Variants in UGT1A7 observed in about 807,000 individuals in gnomAD.
UGT1A7 encodes UDP-glucuronosyltransferase 1A7.
Under a neutral mutation model 45.6 loss-of-function variants are expected in UGT1A7, and 33 were observed. The ratio of observed to expected loss-of-function variants is 0.72; its 90% CI spans 0.55 to 0.97. UGT1A7 has a LOEUF of 0.97. Among genes scored for constraint, UGT1A7 ranks in the 50% least tolerant of loss-of-function variants. The pLI, the probability that UGT1A7 is intolerant of heterozygous loss-of-function variation, is 0.00. For missense variants in UGT1A7, 684 were observed against 666.2 expected, an observed-to-expected ratio of 1.03 and a Z score of -0.29; for synonymous variants, 274 against 250.6, an observed-to-expected ratio of 1.09 and a Z score of -0.88.
rs1310815990 is a variant in UGT1A7, at chr2:233,693,240, C to T, written c.855+10448C>T. ...AAATACTACACAAGAAAAATCTATC[C>T]AGTGCCGTATGACCAAGAAGAGCTG... On this transcript the variant is annotated intron_variant, in intron 1 of 4. Transcript: ENST00000373426. 6.8e-6 allele frequency: 11 copies of T among 1,614,022 alleles called. No homozygotes were observed. The African/African-American group carries it at 1.3e-4, about 20-fold the overall frequency.
At chr2:233,743,198 T>C in intron 1 of UGT1A7, 1 of 382,298 alleles carries the variant, frequency 2.6e-6, no homozygotes, top group Non-Finnish European at 5.2e-6. Context: ...TTACTTGGTG[T>C]CAATGCGGAG....
intron 1 of UGT1A7, among the ~76,000 whole-genome samples, chr2:233,686,207 AG>A (rs2074777882): frequency 6.6e-6 from 1 of 152,184 alleles, no homozygotes; most frequent in African/African-American, 2.4e-5. Context: ...AGAAAAAATT[AG>A]AAAAATATTT....
intron 1 of UGT1A7, chr2:233,691,490 G>A (rs2075045051): frequency 5.1e-6 from 5 of 985,774 alleles, no homozygotes; most frequent in Non-Finnish European, 4.8e-6. Flanking sequence ...TTGTGGGTGG[G>A]AACAGGAACT....
chr2:233,751,212 G>A (rs1434811842), intron 1 of UGT1A7, among the ~76,000 whole-genome samples: 1 of 151,972 alleles, frequency 6.6e-6, no homozygotes, highest in Non-Finnish European at 1.5e-5. Context: ...GGAGCTTTAA[G>A]ATTTAATGAC....
chr2:233,768,737 C>A (rs947383404), intron 4 of UGT1A7, among the ~76,000 whole-genome samples: 9 of 151,868 alleles, frequency 5.9e-5, no homozygotes, highest in Admixed American at 5.2e-4. Flanking sequence ...TGTCCACCAC[C>A]ACGCCCGGTT....
At chr2:233,764,870 C>A (rs17868342) in intron 1 of UGT1A7, among the ~76,000 whole-genome samples, 19,813 of 151,898 alleles carry the variant, frequency 0.13, 1,414 homozygotes, top group East Asian at 0.2. Context: ...TAGATGAGCC[C>A]AAGGGAAAAG....
chr2:233,767,826 T>C (rs1204368520), intron 2 of UGT1A7, 23 bp from the exon 3 acceptor site: 5 of 1,614,208 alleles, frequency 3.1e-6, no homozygotes, highest in South Asian at 2.2e-5. Flanking sequence ...TTCTTTACGT[T>C]CTGCTCTTTT....
chr2:233,765,712 T>A (rs1046504378), intron 1 of UGT1A7, among the ~76,000 whole-genome samples: 5 of 111,216 alleles, frequency 4.5e-5, no homozygotes, highest in Non-Finnish European at 8.4e-5. Context: ...TAATAATAAT[T>A]AATAATAATA....
Position 233,767,155 on chromosome 2 carries a change from T to C in UGT1A7, c.977T>C (p.Ile326Thr), listed in dbSNP as rs202035422. The change falls in exon 2 of 5, where the codon ATC (isoleucine) becomes ACC (threonine). Residue 326 changes from isoleucine (I) to threonine (T), a missense_variant. Ile to Thr is a moderately conservative substitution (Grantham distance 89). Transcript: ENST00000373426. The stretch of plus-strand genomic sequence containing the variant: ...GCAATTGCTGATGCTTTGGGCAAAA[T>C]CCCTCAGACAGTAAGAAGATTCTAT... ...AMAIADALGK[I>T]PQTVLWRYTG... 6.2e-7 allele frequency: 1 copy of C among 1,614,056 alleles called. No homozygotes were observed. Among genetic ancestry groups the C allele is most frequent in the Non-Finnish European group, 8.5e-7 (1 of 1,179,996 alleles).
Position 233,682,700 on chromosome 2 carries a change from A to G in UGT1A7, c.763A>G (p.Thr255Ala). The G allele has an allele frequency of 3.7e-6, 6 of 1,613,892 alleles. No individual in the cohort carries two copies. The highest frequency in any genetic ancestry group is 5.1e-6 in the Non-Finnish European group (6 of 1,179,806). The change falls in exon 1 of 5, where the codon ACT (threonine) becomes GCT (alanine). Residue 255 changes from threonine to alanine, a missense_variant. By Grantham distance (58) the Thr-to-Ala change is moderately conservative. Transcript: ENST00000373426. ...YSHTSIWLLRTDFVLEYPKPV... is the reference protein window; with the variant it reads ...YSHTSIWLLRADFVLEYPKPV... ...CCACACATCAATTTGGTTGTTGCGAACTGACTTTGTTTTGGAGTATCCCAA... is the reference window on the plus strand; with the variant it reads ...CCACACATCAATTTGGTTGTTGCGAGCTGACTTTGTTTTGGAGTATCCCAA...
Position 233,768,326 on chromosome 2 carries a change from G to A in UGT1A7, c.1182G>A (p.Gln394=), listed in dbSNP as rs1299905562. ...PMVMMPLFGD[Q]MDNAKRMETK... ...TGATGATGCCCTTGTTTGGTGATCAGATGGACAATGCAAAGCGCATGGAGA... is the reference window on the plus strand; with the variant it reads ...TGATGATGCCCTTGTTTGGTGATCAAATGGACAATGCAAAGCGCATGGAGA... The change falls in exon 4 of 5, where the codon CAG becomes CAA. Residue 394 remains glutamine (Q), a synonymous_variant. Transcript: ENST00000373426. 6.2e-7 allele frequency: 1 copy of A among 1,614,204 alleles called. No homozygotes were observed. The highest frequency in any genetic ancestry group is 1.3e-5 in the African/African-American group (1 of 75,056).
intron 1 of UGT1A7, among the ~76,000 whole-genome samples, chr2:233,700,609 T>G (rs901361288): frequency 9.9e-5 from 15 of 152,150 alleles, no homozygotes; most frequent in Non-Finnish European, 7.4e-5. Context: ...ACTCTTTTTT[T>G]GGGGGGGTTC....
At chr2:233,708,932 A>G (rs1026818706) in intron 1 of UGT1A7, among the ~76,000 whole-genome samples, 3 of 152,134 alleles carry the variant, frequency 2.0e-5, no homozygotes, top group Non-Finnish European at 4.4e-5. Context: ...GAGCCAAACT[A>G]TGTCACCAGA....
Position 233,772,766 on chromosome 2 carries a change from C to G in UGT1A7, c.*207C>G. The stretch of plus-strand genomic sequence containing the variant: ...AGATATTTGAATATGTATCGTGCCC[C>G]CTCTGGTGTCTTTGATCAGGATGAC... On this transcript the variant is annotated 3_prime_UTR_variant, in exon 5 of 5. Transcript: ENST00000373426. 1 of 1,374,588 alleles carries G rather than the reference C, an allele frequency of 7.3e-7. No homozygotes were observed. Among genetic ancestry groups the G allele is most frequent in the Non-Finnish European group, 9.5e-7 (1 of 1,047,350 alleles). 85.1% of individuals were successfully genotyped at this position (1,374,588 alleles called of 1,614,324 possible).
chr2:233,729,508 T>C (rs1302187819), intron 1 of UGT1A7: 3 of 1,614,204 alleles, frequency 1.9e-6, no homozygotes, highest in African/African-American at 1.3e-5. Flanking sequence ...TCATAGGTCT[T>C]GTGTGGAGCT....
At chr2:233,748,112 C>T in intron 1 of UGT1A7, 1 of 1,611,964 alleles carries the variant, frequency 6.2e-7, no homozygotes, top group South Asian at 1.1e-5. Flanking sequence ...AATCAATGTT[C>T]CAGGCAAAAC....
intron 1 of UGT1A7, chr2:233,754,910 C>A: frequency 7.4e-7 from 1 of 1,353,942 alleles, no homozygotes; most frequent in African/African-American, 1.5e-5. Flanking sequence ...CCAAAATATT[C>A]TCCAGCGGGT....
intron 1 of UGT1A7, among the ~76,000 whole-genome samples, chr2:233,726,020 TC>T (rs2125716931): frequency 6.6e-6 from 1 of 152,170 alleles, no homozygotes; most frequent in Admixed American, 6.5e-5. Flanking sequence ...CAAAAAATTA[TC>T]CAGGTGTGAT....
At chr2:233,688,337 A>G (rs2074888498) in intron 1 of UGT1A7, among the ~76,000 whole-genome samples, 1 of 152,112 alleles carries the variant, frequency 6.6e-6, no homozygotes, top group African/African-American at 2.4e-5. Context: ...GTTGTTTCCC[A>G]TTTTCAGCCA....
Sources: gnomAD v4.1 joint callset for allele counts (sites outside exome capture counted in the v4.1 genomes callset) on GRCh38, gnomAD v4.1.1 for gene constraint, MANE v1.5 for transcripts, NCBI Gene and HGNC (gene_info 2026-07-23, HGNC 2026-07-21) for gene names.